RSU1: variants seen among roughly 807,000 people sequenced by gnomAD.
RSU1 encodes rsu-1.
A neutral mutation model predicts 31.1 loss-of-function variants in RSU1; 26 were observed. That is an observed-to-expected ratio of 0.84 (90% CI 0.61 to 1.16). The LOEUF (loss-of-function observed/expected upper bound fraction) is 1.16, where lower values mean the gene tolerates loss of function less well. RSU1 is among the 50% of genes most tolerant of loss of function. RSU1 has a pLI of 0.00. For synonymous variants in RSU1, 164 were observed against 136.3 expected (o/e 1.20, Z -1.41); for missense variants, 320 against 339.1 (o/e 0.94, Z 0.44).
intron 7 of RSU1, among the ~76,000 whole-genome samples, chr10:16,700,186 G>A (rs191105861): frequency 3.3e-5 from 5 of 152,146 alleles, no homozygotes; most frequent in Non-Finnish European, 5.9e-5. Context: ...CAATCGAGGC[G>A]ATCTGGGCAA....
chr10:16,798,032 T>G (rs577863471), intron 2 of RSU1, among the ~76,000 whole-genome samples: 1 of 152,160 alleles, frequency 6.6e-6, no homozygotes, highest in Non-Finnish European at 1.5e-5. Context: ...CGGCTAATTC[T>G]TGTATTTTTA....
chr10:16,779,076 A>G (rs1211863302), intron 3 of RSU1, among the ~76,000 whole-genome samples: 1 of 152,178 alleles, frequency 6.6e-6, no homozygotes, highest in Non-Finnish European at 1.5e-5. Context: ...ACTTGCAACT[A>G]TTCTTCCCGT....
intron 7 of RSU1, among the ~76,000 whole-genome samples, chr10:16,751,638 G>A (rs1046662778): frequency 2.0e-5 from 3 of 152,172 alleles, no homozygotes; most frequent in African/African-American, 7.2e-5. Context: ...AAATGTCCCT[G>A]CCCTCCTGGT....
chr10:16,594,528 C>T (rs1403501926), intron 8 of RSU1, among the ~76,000 whole-genome samples: 1 of 150,860 alleles, frequency 6.6e-6, no homozygotes, highest in Non-Finnish European at 1.5e-5. Context: ...TCTCATGGCT[C>T]AGCCTCCTGA....
intron 8 of RSU1, among the ~76,000 whole-genome samples, chr10:16,609,017 G>C (rs964444721): frequency 1.3e-5 from 2 of 151,924 alleles, no homozygotes; most frequent in East Asian, 3.9e-4. Flanking sequence ...ATATTTTGTA[G>C]AGATAGGGCC....
chr10:16,812,270 C>T (rs560764717), intron 2 of RSU1, among the ~76,000 whole-genome samples: 4 of 152,160 alleles, frequency 2.6e-5, no homozygotes, highest in East Asian at 1.9e-4. Context: ...GGTGAAACCC[C>T]GTCTCTACTA....
rs918799988 is a variant in RSU1, at chr10:16,779,905, C to T, written c.160+2129G>A. On this transcript the variant is annotated intron_variant, in intron 3 of 8. Coordinates refer to ENST00000345264, the MANE Select transcript of RSU1 (RefSeq NM_012425.4). ...ACTGAAACAGATCGGGTGTCAGTGA[C>T]GCTACTCAGGATGGCTTGAAACAGA... is the stretch of plus-strand genomic sequence containing the variant. 4.6e-5 allele frequency among the ~76,000 whole-genome samples: 7 copies of T among 152,032 alleles called. 1 individual carries two copies. The highest frequency in any genetic ancestry group is 1.7e-4 in the African/African-American group (7 of 41,364).
At chr10:16,662,671 A>G (rs1251957477) in intron 8 of RSU1, among the ~76,000 whole-genome samples, 2 of 152,340 alleles carry the variant, frequency 1.3e-5, no homozygotes, top group East Asian at 3.9e-4. Flanking sequence ...TCAATAAATG[A>G]AAATGGTGCT....
chr10:16,795,353 C>CAA (rs532677802), intron 2 of RSU1, among the ~76,000 whole-genome samples: 65 of 75,140 alleles, frequency 8.7e-4, no homozygotes, highest in Admixed American at 2.5e-3. Flanking sequence ...GACTCCATCT[C>CAA]AAAAAAAAAA....
At chr10:16,627,116 G>A (rs1013694067) in intron 8 of RSU1, among the ~76,000 whole-genome samples, 2 of 152,186 alleles carry the variant, frequency 1.3e-5, no homozygotes, top group African/African-American at 4.8e-5. Context: ...AGGACGACCA[G>A]TTCTAGTGTG....
intron 2 of RSU1, among the ~76,000 whole-genome samples, chr10:16,793,172 G>C (rs556910660): frequency 6.6e-6 from 1 of 151,918 alleles, no homozygotes; most frequent in African/African-American, 2.4e-5. Flanking sequence ...TATCACGGTG[G>C]GATGAAAGCT....
At chr10:16,674,844 C>G (rs1442704524) in intron 8 of RSU1, among the ~76,000 whole-genome samples, 1 of 152,014 alleles carries the variant, frequency 6.6e-6, no homozygotes, top group Non-Finnish European at 1.5e-5. Flanking sequence ...ACCAGCCTGG[C>G]TAACACAGCG....
intron 8 of RSU1, among the ~76,000 whole-genome samples, chr10:16,632,950 T>A (rs371009331): frequency 9.9e-4 from 150 of 151,118 alleles, no homozygotes; most frequent in African/African-American, 3.4e-3. Flanking sequence ...CAACAAAATT[T>A]AAAAAAAAAC....
chr10:16,600,319 T>C (rs1441328382), intron 8 of RSU1, among the ~76,000 whole-genome samples: 1 of 151,828 alleles, frequency 6.6e-6, no homozygotes, highest in Non-Finnish European at 1.5e-5. Flanking sequence ...TCTAGAAGGA[T>C]CATGGGGAAA....
chr10:16,802,175 C>A (rs1486525921), intron 2 of RSU1, among the ~76,000 whole-genome samples: 18 of 147,660 alleles, frequency 1.2e-4, no homozygotes, highest in Middle Eastern at 3.4e-3. Flanking sequence ...AACTGGTAAT[C>A]CTGTAGGGAG....
At chr10:16,604,813 G>A (rs951334795) in intron 8 of RSU1, among the ~76,000 whole-genome samples, 3 of 152,134 alleles carry the variant, frequency 2.0e-5, no homozygotes, top group Non-Finnish European at 4.4e-5. Context: ...CCTGGGTGCC[G>A]TAACTGGTTT....
At chr10:16,728,042 G>T (rs141830132) in intron 7 of RSU1, among the ~76,000 whole-genome samples, 3 of 152,212 alleles carry the variant, frequency 2.0e-5, no homozygotes, top group South Asian at 2.1e-4. Flanking sequence ...TCAACAAATT[G>T]TATCTTTCAA....
At chr10:16,664,735 A>G (rs1239154590) in intron 8 of RSU1, among the ~76,000 whole-genome samples, 1 of 152,204 alleles carries the variant, frequency 6.6e-6, no homozygotes, top group East Asian at 1.9e-4. Context: ...AAAGAGTTGT[A>G]CAACTTTTCT....
At chr10:16,680,908 A>C (rs1289665176) in intron 8 of RSU1, among the ~76,000 whole-genome samples, 2 of 152,248 alleles carry the variant, frequency 1.3e-5, no homozygotes, top group Non-Finnish European at 2.9e-5. Flanking sequence ...TGAGCTCAGT[A>C]ACTCTTAATT....
Sources: gnomAD v4.1 joint callset for allele counts (sites outside exome capture counted in the v4.1 genomes callset) on GRCh38, gnomAD v4.1.1 for gene constraint, MANE v1.5 for transcripts, NCBI Gene and HGNC (gene_info 2026-07-23, HGNC 2026-07-21) for gene names.